The following EEF1A2 variants were observed in gnomAD, a reference collection of about 807,000 sequenced individuals.
EEF1A2 encodes elongation factor 1-alpha 2.
Under a neutral mutation model 39.3 loss-of-function variants are expected in EEF1A2, and 5 were observed. That is an observed-to-expected ratio of 0.13 (90% confidence interval 0.07 to 0.27). The LOEUF (loss-of-function observed/expected upper bound fraction) is 0.27, where lower values mean the gene tolerates loss of function less well. Among genes scored for constraint, EEF1A2 ranks in the 10% least tolerant of loss-of-function variants. The pLI, the probability that EEF1A2 is intolerant of heterozygous loss-of-function variation, is 1.00. For missense variants in EEF1A2, 218 were observed against 681.4 expected (o/e 0.32, Z 7.57); for synonymous variants, 287 against 293.7 (o/e 0.98, Z 0.23).
chr20:63,495,640 G>GA (rs1414287046), intron 3 of EEF1A2, among the ~76,000 whole-genome samples: 1 of 152,208 alleles, frequency 6.6e-6, no homozygotes, highest in African/African-American at 2.4e-5. Context: ...ACACTGGCTG[G>GA]ATGCCTTCAC....
intron 5 of EEF1A2, among the ~76,000 whole-genome samples, chr20:63,492,419 T>TGGATGGATGGAC (rs2082390047): frequency 1.5e-5 from 2 of 136,634 alleles, no homozygotes; most frequent in Non-Finnish European, 3.1e-5. Context: ...GATGGATGGA[T>TGGATGGATGGAC]AGAGAGAAGG....
Position 63,498,890 on chromosome 20 carries a change from A to C in EEF1A2, c.-72+168T>G, listed in dbSNP as rs1202442368. Reference sequence around the variant, plus strand: ...GCCCCGCCGCCCCGCGCCGCCCCCCACCCCGGGCCCAGCCCGGCCGACGCG... The same window carrying C: ...GCCCCGCCGCCCCGCGCCGCCCCCCCCCCCGGGCCCAGCCCGGCCGACGCG... On this transcript the variant is annotated intron_variant, in intron 1 of 7. Transcript: ENST00000217182. This position sits in a 1 kb window ranked among gnomAD's most constrained non-coding sequence, Gnocchi z 4.1. 2 of 147,604 alleles carry C rather than the reference A, an allele frequency of 1.4e-5. No individual in the cohort carries two copies. Among genetic ancestry groups the C allele is most frequent in the African/African-American group, 2.5e-5 (1 of 40,430 alleles). The allele number at this position is 147,604 out of a possible 1,614,324, so 9.1% of individuals were successfully genotyped here. A position where few individuals can be genotyped will look rare whatever the true frequency, so the allele number is the denominator to read the frequency against.
chr20:63,497,443 A>C lies in EEF1A2; in HGVS notation c.144+177T>G. ...CCTCCCCCACCAAGCTCCCCCTAAG[A>C]GAGAGGCTGCCCCACCAGACCCTCT... On this transcript the variant is annotated intron_variant, in intron 2 of 7. Coordinates refer to ENST00000217182, the MANE Select transcript of EEF1A2 (RefSeq NM_001958.5). The surrounding 1 kb of genome is among the most constrained non-coding windows in gnomAD (Gnocchi z 7.3). 1 of 987,374 alleles carries C rather than the reference A, an allele frequency of 1.0e-6. No homozygotes were observed. The highest frequency in any genetic ancestry group is 1.8e-5 in the South Asian group (1 of 54,086). The allele number at this position is 987,374 out of a possible 1,614,324, so 61.2% of individuals were successfully genotyped here.
Position 63,498,376 on chromosome 20 carries a change from AG to A in EEF1A2, c.-71-543del. On this transcript the variant is annotated intron_variant, in intron 1 of 7. Coordinates refer to ENST00000217182, the MANE Select transcript of EEF1A2 (RefSeq NM_001958.5). This position sits in a 1 kb window ranked among gnomAD's most constrained non-coding sequence, Gnocchi z 4.1. ...GCAGGCTGGGCCAGAGCCCCGACGG[AG>A]ATGCGCTGCCCAGATTAGGAACCCA... 6.6e-6 allele frequency: 1 copy of A among 152,374 alleles called. No homozygotes were observed. Among genetic ancestry groups the A allele is most frequent in the African/African-American group, 2.4e-5 (1 of 41,436 alleles). 9.4% of individuals were successfully genotyped at this position (152,374 alleles called of 1,614,324 possible). A position where few individuals can be genotyped will look rare whatever the true frequency, so the allele number is the denominator to read the frequency against.
chr20:63,491,379 T>TC (rs1018625691), intron 5 of EEF1A2, among the ~76,000 whole-genome samples: 25 of 151,752 alleles, frequency 1.6e-4, no homozygotes, highest in South Asian at 1.2e-3. Context: ...GGGGGTCTTG[T>TC]CCCCCCCCAG....
rs551403104 is a variant in EEF1A2, at chr20:63,497,400, G to C, written c.144+220C>G. 4 of 592,614 alleles carry C rather than the reference G, an allele frequency of 6.7e-6. No homozygotes were observed. The highest frequency in any genetic ancestry group is 7.1e-5 in the East Asian group (2 of 28,300). The allele number at this position is 592,614 out of a possible 1,614,324, so 36.7% of individuals were successfully genotyped here. A position where few individuals can be genotyped will look rare whatever the true frequency, so the allele number is the denominator to read the frequency against. On this transcript the variant is annotated intron_variant, in intron 2 of 7. Coordinates refer to ENST00000217182, the MANE Select transcript of EEF1A2 (RefSeq NM_001958.5). The surrounding 1 kb of genome is among the most constrained non-coding windows in gnomAD (Gnocchi z 7.3). Reference sequence around the variant, plus strand: ...ACCTCCCTCACCACAGGGCAAGTCCGGCAGCTCGATGGCCACCCCTCCCCC... The same window carrying C: ...ACCTCCCTCACCACAGGGCAAGTCCCGCAGCTCGATGGCCACCCCTCCCCC...
chr20:63,491,583 A>G (rs1613590), intron 5 of EEF1A2, among the ~76,000 whole-genome samples: 146,751 of 152,198 alleles, frequency 0.96, 70,969 homozygotes, highest in Middle Eastern at 0.99. Flanking sequence ...GCCCTTCTCT[A>G]GGGTCTCAGA....
intron 2 of EEF1A2, 31 bp from the exon 3 acceptor site, chr20:63,496,066 G>A (rs768432021): frequency 1.3e-5 from 21 of 1,608,682 alleles, no homozygotes; most frequent in East Asian, 4.5e-5. Context: ...GGCTGAGGGC[G>A]GGACCCGGGA....
chr20:63,492,645 A>AGG (rs2082394402), intron 5 of EEF1A2, among the ~76,000 whole-genome samples: 1 of 22,418 alleles, frequency 4.5e-5, no homozygotes. Flanking sequence ...TGGGACAATC[A>AGG]ATGGATGGAT....
In EEF1A2 at chr20:63,497,302, T is replaced by C; in HGVS notation, c.144+318A>G. The C allele has an allele frequency of 3.9e-6, 1 of 256,168 alleles. No homozygotes were observed. Among genetic ancestry groups the C allele is most frequent in the Non-Finnish European group, 7.4e-6 (1 of 134,706 alleles). The allele number at this position is 256,168 out of a possible 1,614,324, so 15.9% of individuals were successfully genotyped here. A position where few individuals can be genotyped will look rare whatever the true frequency, so the allele number is the denominator to read the frequency against. On this transcript the variant is annotated intron_variant, in intron 2 of 7. Transcript: ENST00000217182. The surrounding 1 kb of genome is among the most constrained non-coding windows in gnomAD (Gnocchi z 7.3). ...AGCCTTGGCCCTGGGGGGAAGGGGG[T>C]AAGGCTCCAGCGCCCTCCAGCCCCA...
At chr20:63,496,217 T>C (rs1439724700) in intron 2 of EEF1A2, 182 bp from the exon 3 acceptor site, 3 of 711,876 alleles carry the variant, frequency 4.2e-6, no homozygotes, top group Non-Finnish European at 4.5e-6. Flanking sequence ...ACCCAGACCC[T>C]GCCCCCCAGG....
chr20:63,493,594 C>T (rs1045358418), intron 4 of EEF1A2, among the ~76,000 whole-genome samples: 2 of 152,196 alleles, frequency 1.3e-5, no homozygotes, highest in Admixed American at 6.5e-5. Context: ...CCCGAAACCC[C>T]GGGCCCCTGA....
rs2082430279 is a variant in EEF1A2 at position 63,498,813 on chromosome 20, G to T, written c.-72+245C>A. On this transcript the variant is annotated intron_variant, in intron 1 of 7. Transcript: ENST00000217182. This position sits in a 1 kb window ranked among gnomAD's most constrained non-coding sequence, Gnocchi z 4.1. ...CCCCCATCAGCCCCCGGCCCGCAGG[G>T]TCCCCGCGGCCCCAAGGTCACGGCT... 6.6e-6 allele frequency: 1 copy of T among 151,440 alleles called. No homozygotes were observed. Among genetic ancestry groups the T allele is most frequent in the African/African-American group, 2.4e-5 (1 of 41,294 alleles). 9.4% of individuals were successfully genotyped at this position (151,440 alleles called of 1,614,324 possible).
Position 63,495,086 on chromosome 20 carries a change from G to C in EEF1A2, c.340C>G (p.Leu114Val). 1 of 1,610,452 alleles carries C rather than the reference G, an allele frequency of 6.2e-7. No homozygotes were observed. Among genetic ancestry groups the C allele is most frequent in the Non-Finnish European group, 8.5e-7 (1 of 1,179,544 alleles). ...TGTSQADCAV[L>V]IVAAGVGEFE... ...TCGCCCACGCCCGCCGCCACGATCA[G>C]CACTGCGCAGTCCGCCTGCCCGGCA... is the stretch of plus-strand genomic sequence containing the variant. Residue 114 changes from leucine (L) to valine (V), a missense_variant, in exon 4 of 8, where the codon CTG becomes GTG. Leu to Val is a conservative substitution (Grantham distance 32). Coordinates refer to ENST00000217182, the MANE Select transcript of EEF1A2 (RefSeq NM_001958.5).
At chr20:63,494,700 C>G (rs1394840275) in intron 4 of EEF1A2, 105 bp downstream of exon 4, 3 of 1,428,534 alleles carry the variant, frequency 2.1e-6, no homozygotes. Context: ...CCTGCATTTC[C>G]CGGGGACAGG....
In EEF1A2 at chr20:63,493,049, C is replaced by T; in HGVS notation, c.772+88G>A. The T allele has an allele frequency of 2.7e-6, 4 of 1,464,816 alleles. No homozygotes were observed. In the South Asian group the frequency reaches 5.4e-5, roughly 20 times the overall value. The allele number at this position is 1,464,816 out of a possible 1,614,324, so 90.7% of individuals were successfully genotyped here. A position where few individuals can be genotyped will look rare whatever the true frequency, so the allele number is the denominator to read the frequency against. ...TGGTAAGGGGAGAGATTGGAGACAG[C>T]CCAGTCTTGAGATGCCTTGTAGGGG... On this transcript the variant is annotated intron_variant, in intron 5 of 7. Transcript: ENST00000217182.
intron 5 of EEF1A2, among the ~76,000 whole-genome samples, chr20:63,492,594 A>G (rs2082393483): frequency 7.2e-6 from 1 of 139,210 alleles, no homozygotes; most frequent in South Asian, 2.5e-4. Context: ...GGATGGATGC[A>G]TGGATGGATG....
rs2082427603 is a variant in EEF1A2, at chr20:63,498,280, G to A, written c.-71-446C>T. 1 of 152,776 alleles carries A rather than the reference G, an allele frequency of 6.5e-6. No homozygotes were observed. The highest frequency in any genetic ancestry group is 2.4e-5 in the African/African-American group (1 of 41,428). 9.5% of individuals were successfully genotyped at this position (152,776 alleles called of 1,614,324 possible). A position where few individuals can be genotyped will look rare whatever the true frequency, so the allele number is the denominator to read the frequency against. ...CCCACCCCCACCCGCTGCCACCGGG[G>A]AGAGATGGCCACTGCTCCCCACTCC... On this transcript the variant is annotated intron_variant, in intron 1 of 7. Coordinates refer to ENST00000217182, the MANE Select transcript of EEF1A2 (RefSeq NM_001958.5). The surrounding 1 kb of genome is among the most constrained non-coding windows in gnomAD (Gnocchi z 4.1).
Position 63,490,497 on chromosome 20 carries a change from A to C in EEF1A2, c.1011T>G (p.Ala337=). The C allele has an allele frequency of 6.2e-7, 1 of 1,611,602 alleles. No homozygotes were observed. The highest frequency in any genetic ancestry group is 8.5e-7 in the Non-Finnish European group (1 of 1,179,092). Residue 337 remains alanine, a synonymous_variant, in exon 6 of 8, where the codon GCT becomes GCG. Coordinates refer to ENST00000217182, the MANE Select transcript of EEF1A2 (RefSeq NM_001958.5). The part of the protein sequence containing the change: ...GDSKSDPPQE[A]AQFTSQVIIL... ...CCCCCACCTGGGAGGTGAACTGAGC[A>C]GCCTCCTGCGGCGGGTCAGACTTGC... is the stretch of plus-strand genomic sequence containing the variant.
Sources: allele counts gnomAD v4.1 joint callset (sites outside exome capture counted in the v4.1 genomes callset), GRCh38; gene constraint gnomAD v4.1.1; non-coding constraint Gnocchi (gnomAD v3.1); transcripts MANE v1.5; gene names NCBI Gene and HGNC (gene_info 2026-07-23, HGNC 2026-07-21).